The following MAN2C1 variants were observed in gnomAD, a reference collection of about 807,000 sequenced individuals.
MAN2C1 encodes the protein mannosidase alpha class 2C member 1, also known as alpha-mannosidase 2C1.
In MAN2C1, 111 loss-of-function variants were observed where a neutral mutation model predicts 126.9. The observed-to-expected ratio is 0.87, with a 90% CI of 0.75 to 1.02. The LOEUF (loss-of-function observed/expected upper bound fraction) is 1.02, where lower values mean the gene tolerates loss of function less well. MAN2C1 is among the 50% of genes least tolerant of loss of function. The pLI is 0.00. For missense variants in MAN2C1, 1,363 were observed against 1,364.4 expected, an observed-to-expected ratio of 1.00 and a Z score of 0.02; for synonymous variants, 567 against 561.5, an observed-to-expected ratio of 1.01 and a Z score of -0.14.
chr15:75,363,332 A>C (rs1199696517), intron 6 of MAN2C1: 1 of 456,094 alleles, frequency 2.2e-6, no homozygotes, highest in South Asian at 1.5e-5. Context: ...CAGACACTGC[A>C]AACTTGTCCA....
Position 75,362,307 on chromosome 15 carries a change from T to C in MAN2C1, c.1008+36A>G, listed in dbSNP as rs1275400616. 1.9e-6 allele frequency: 3 copies of C among 1,581,372 alleles called. No individual in the cohort carries two copies. Among genetic ancestry groups the C allele is most frequent in the Admixed American group, 1.7e-5 (1 of 59,834 alleles). ...GCTACCTGAGGGAAGGCTGTTGTCATACAGTTCAAGGCTGAGGAGTGCCCA... is the reference window on the plus strand; with the variant it reads ...GCTACCTGAGGGAAGGCTGTTGTCACACAGTTCAAGGCTGAGGAGTGCCCA... On this transcript the variant is annotated intron_variant, in intron 8 of 25. Coordinates refer to ENST00000267978, the MANE Select transcript of MAN2C1 (RefSeq NM_006715.4). The surrounding 1 kb of genome is among the most constrained non-coding windows in gnomAD (Gnocchi z 4.5).
At chr15:75,358,956 G>A in intron 18 of MAN2C1, 103 bp downstream of exon 18, 1 of 1,530,832 alleles carries the variant, frequency 6.5e-7, no homozygotes, top group Non-Finnish European at 8.9e-7. Flanking sequence ...CCAGCCCAGA[G>A]CCACTGGTGG....
chr15:75,356,382 T>TGGCAGAGC lies in MAN2C1; in HGVS notation c.2797_2804dup (p.Ala936LeufsTer42). ...AGGTGGCGGGCGCTGGGCTGGGGGC[T>TGGCAGAGC]GGCAGAGCCAACAGGGGGAAGTTTA... On this transcript the variant is annotated frameshift_variant, in exon 24 of 26. Transcript: ENST00000267978. LOFTEE classifies it high-confidence loss of function. This position sits in a 1 kb window ranked among gnomAD's most constrained non-coding sequence, Gnocchi z 5.8. 6.2e-7 allele frequency: 1 copy of TGGCAGAGC among 1,611,626 alleles called. No individual in the cohort carries two copies. Among genetic ancestry groups the TGGCAGAGC allele is most frequent in the South Asian group, 1.1e-5 (1 of 90,608 alleles).
chr15:75,363,806 CA>C (rs773976642), intron 6 of MAN2C1, 192 bp downstream of exon 6: 34,834 of 485,852 alleles, frequency 0.072, no homozygotes, highest in South Asian at 0.1. Context: ...GACTCCGTCT[CA>C]AAAAAAAAAA....
In MAN2C1 at chr15:75,367,747, A is replaced by C. The variant is rs1285235313; in HGVS notation, c.228-113T>G. On this transcript the variant is annotated intron_variant, in intron 2 of 25. Transcript: ENST00000267978. ...CTCTCCAAGCATCTGCAGTGTCACA[A>C]GGTACTCAGCTTTGAGTCACAAGAA... 7 of 1,368,698 alleles carry C rather than the reference A, an allele frequency of 5.1e-6. No individual in the cohort carries two copies. The Admixed American group carries it at 1.5e-4, about 29-fold the overall frequency. 84.8% of individuals were successfully genotyped at this position (1,368,698 alleles called of 1,614,324 possible).
rs141629850 is a variant in MAN2C1 at position 75,364,145 on chromosome 15, GTGTAC to G, written c.639_643del (p.Tyr214SerfsTer9). ...ACACACGTTCACCATCTGATTGGCT[GTGTAC>G]AGGGCCTGGAAGCTGCGCTGGTTGT... On this transcript the variant is annotated frameshift_variant, in exon 6 of 26. Transcript: ENST00000267978. LOFTEE classifies it high-confidence loss of function. 2.3e-4 allele frequency: 371 copies of G among 1,614,126 alleles called. 2 individuals are homozygous for G. In the East Asian group the frequency reaches 6.7e-3, roughly 29 times the overall value.
rs950935793 is a variant in MAN2C1 at position 75,356,504 on chromosome 15, T to G, written c.2738-55A>C. The G allele has an allele frequency of 1.9e-6, 3 of 1,563,148 alleles. No homozygotes were observed. The East Asian group carries it at 6.9e-5, about 36-fold the overall frequency. The stretch of plus-strand genomic sequence containing the variant: ...GGAGAATGGGGGCTACCCTCCCCTG[T>G]CCCTAGAAGGGGCAGGAAGCCAGGT... On this transcript the variant is annotated intron_variant, in intron 23 of 25. Transcript: ENST00000267978. This position sits in a 1 kb window ranked among gnomAD's most constrained non-coding sequence, Gnocchi z 5.8.
intron 21 of MAN2C1, chr15:75,357,826 AGCCAG>A (rs2072367113): frequency 4.6e-6 from 1 of 219,710 alleles, no homozygotes; most frequent in African/African-American, 2.3e-5. Context: ...TCATCGTGTT[AGCCAG>A]GATGGTCTCG....
At position 75,356,791 on chromosome 15, in the gene MAN2C1, A is replaced by T. The variant is rs1353873205; in HGVS notation, c.2657+2T>A. Reference sequence around the variant, plus strand: ...CCCAGGCCTGGTGGGTACCCCACTTACAGCGAGAGGCTGAGGATGCTGCCT... The same window carrying T: ...CCCAGGCCTGGTGGGTACCCCACTTTCAGCGAGAGGCTGAGGATGCTGCCT... On this transcript the variant is annotated splice_donor_variant, in intron 22 of 25. Coordinates refer to ENST00000267978, the MANE Select transcript of MAN2C1 (RefSeq NM_006715.4). LOFTEE classifies it high-confidence loss of function. The surrounding 1 kb of genome is among the most constrained non-coding windows in gnomAD (Gnocchi z 5.8). The T allele has an allele frequency of 6.2e-7, 1 of 1,613,886 alleles. No individual in the cohort carries two copies. The highest frequency in any genetic ancestry group is 1.3e-5 in the African/African-American group (1 of 74,942).
At chr15:75,359,025 C>A (rs1254254089) in intron 18 of MAN2C1, 34 bp downstream of exon 18, 1 of 1,611,044 alleles carries the variant, frequency 6.2e-7, no homozygotes, top group Non-Finnish European at 8.5e-7. Flanking sequence ...GTCTACTTGC[C>A]AGGCACTGGG....
Position 75,361,207 on chromosome 15 carries a change from C to A in MAN2C1, c.1315-16G>T, listed in dbSNP as rs2072461056. The A allele has an allele frequency of 6.2e-7, 1 of 1,608,786 alleles. No individual in the cohort carries two copies. The highest frequency in any genetic ancestry group is 2.2e-5 in the East Asian group (1 of 44,744). On this transcript the variant is annotated splice_polypyrimidine_tract_variant and intron_variant, in intron 11 of 25. Coordinates refer to ENST00000267978, the MANE Select transcript of MAN2C1 (RefSeq NM_006715.4). The surrounding 1 kb of genome is among the most constrained non-coding windows in gnomAD (Gnocchi z 5.0). Reference sequence around the variant, plus strand: ...TCTTCAGCACCTAGACAGGTGAGGGCAGGCCAGCATGGATCAGCCTGGAAC... The same window carrying A: ...TCTTCAGCACCTAGACAGGTGAGGGAAGGCCAGCATGGATCAGCCTGGAAC...
intron 2 of MAN2C1, 29 bp downstream of exon 2, chr15:75,368,044 G>GC (rs1282716786): frequency 3.1e-6 from 5 of 1,588,660 alleles, no homozygotes; most frequent in Admixed American, 1.7e-5. Context: ...TAGGCCTGTG[G>GC]CCCCGCCCAC....
rs1410182016 is a variant in MAN2C1, at chr15:75,356,562, G to A, written c.2737+44C>T. On this transcript the variant is annotated intron_variant, in intron 23 of 25. Coordinates refer to ENST00000267978, the MANE Select transcript of MAN2C1 (RefSeq NM_006715.4). The surrounding 1 kb of genome is among the most constrained non-coding windows in gnomAD (Gnocchi z 5.8). ...GTTTGGGCTCAGGGAAGGGCAGAGA[G>A]GTGTCTAGGGCTGCAGGAAGGCCCC... 2.6e-6 allele frequency: 4 copies of A among 1,550,806 alleles called. No individual in the cohort carries two copies. The highest frequency in any genetic ancestry group is 8.7e-7 in the Non-Finnish European group (1 of 1,146,318).
At position 75,362,363 on chromosome 15, in the gene MAN2C1, C is replaced by A. The variant is rs1156563378; in HGVS notation, c.988G>T (p.Gly330Trp). 3 of 1,613,922 alleles carry A rather than the reference C, an allele frequency of 1.9e-6. No homozygotes were observed. Among genetic ancestry groups the A allele is most frequent in the Non-Finnish European group, 2.5e-6 (3 of 1,180,002 alleles). ...FACRGQFVPVGGTWVEMDGNL... is the reference protein window; with the variant it reads ...FACRGQFVPVWGTWVEMDGNL... ...CTTACCATCTCCACCCAGGTGCCCC[C>A]CACAGGCACAAACTGCCCACGGCAC... The change falls in exon 8 of 26, where the codon GGG becomes TGG. Residue 330 changes from glycine to tryptophan, a missense_variant. Coordinates refer to ENST00000267978, the MANE Select transcript of MAN2C1 (RefSeq NM_006715.4). This position sits in a 1 kb window ranked among gnomAD's most constrained non-coding sequence, Gnocchi z 4.5.
rs763957688 is a variant in MAN2C1 at position 75,362,383 on chromosome 15, C to T, written c.968G>A (p.Arg323His). 31 of 1,613,974 alleles carry T rather than the reference C, an allele frequency of 1.9e-5. No individual in the cohort carries two copies. Among genetic ancestry groups the T allele is most frequent in the South Asian group, 8.8e-5 (8 of 91,084 alleles). The change falls in exon 8 of 26, where the codon CGT becomes CAT. Residue 323 changes from arginine to histidine, a missense_variant. Transcript: ENST00000267978. The surrounding 1 kb of genome is among the most constrained non-coding windows in gnomAD (Gnocchi z 4.5). ...LYSRIQEFAC[R>H]GQFVPVGGTW... ...GCCCCCCACAGGCACAAACTGCCCACGGCACGCAAACTCCTGGATGCGGGA... is the reference window on the plus strand; with the variant it reads ...GCCCCCCACAGGCACAAACTGCCCATGGCACGCAAACTCCTGGATGCGGGA...
At position 75,360,600 on chromosome 15, in the gene MAN2C1, C is replaced by T; in HGVS notation, c.1549G>A (p.Glu517Lys). 1 of 1,613,872 alleles carries T rather than the reference C, an allele frequency of 6.2e-7. No individual in the cohort carries two copies. The highest frequency in any genetic ancestry group is 1.7e-4 in the Middle Eastern group (1 of 6,050). The change falls in exon 13 of 26, where the codon GAG becomes AAG. Residue 517 changes from glutamate (E) to lysine (K), a missense_variant. Physicochemically the swap from Glu to Lys is moderately conservative, Grantham distance 56. Around this residue, in one of 3 missense-constraint regions of MAN2C1, gnomAD observed 67 missense variants for 104.5 expected, o/e 0.64. Transcript: ENST00000267978. ...GTGGTGTATGTGCCATTGTGCAGCT[C>T]CAAGAAGAGCTCCCCAACCCACGTG... is the stretch of plus-strand genomic sequence containing the variant. ...LCTWVGELFL[E>K]LHNGTYTTHA...
intron 20 of MAN2C1, 57 bp from the exon 21 acceptor site, chr15:75,358,401 G>A: frequency 1.9e-6 from 3 of 1,613,312 alleles, no homozygotes; most frequent in Middle Eastern, 1.6e-4. Context: ...CAAGGCCTGG[G>A]GCTGGCCCCT....
At chr15:75,366,265 T>C (rs2072573189) in intron 4 of MAN2C1, among the ~76,000 whole-genome samples, 1 of 152,372 alleles carries the variant, frequency 6.6e-6, no homozygotes, top group East Asian at 1.9e-4. Context: ...GGTGTGATCA[T>C]GGCTCACTGC....
chr15:75,356,882 C>T lies in MAN2C1; in HGVS notation c.2568G>A (p.Met856Ile). Residue 856 changes from methionine (M) to isoleucine (I), a missense_variant, in exon 22 of 26, where the codon ATG (methionine) becomes ATA (isoleucine). This residue lies in a region of MAN2C1 where 668 missense variants were observed against 650.1 expected (regional missense o/e 1.03). Coordinates refer to ENST00000267978, the MANE Select transcript of MAN2C1 (RefSeq NM_006715.4). This position sits in a 1 kb window ranked among gnomAD's most constrained non-coding sequence, Gnocchi z 5.8. The part of the protein sequence containing the change: ...ARFEVWAHRW[M>I]DLSEHGFGLA... ...GCCCAAAGCCGTGTTCTGACAGATC[C>T]ATCCAGCGATGGGCCCACACCTGGA... The T allele has an allele frequency of 1.9e-6, 3 of 1,613,822 alleles. No homozygotes were observed. Among genetic ancestry groups the T allele is most frequent in the East Asian group, 2.2e-5 (1 of 44,880 alleles).
Sources: gnomAD v4.1 joint callset for allele counts (sites outside exome capture counted in the v4.1 genomes callset) on GRCh38, gnomAD v4.1.1 for gene constraint, gnomAD v4.1.1 regional missense constraint, Gnocchi (gnomAD v3.1) non-coding constraint, MANE v1.5 for transcripts, NCBI Gene and HGNC (gene_info 2026-07-23, HGNC 2026-07-21) for gene names.